UBAC2: variants seen among roughly 807,000 people sequenced by gnomAD.
The protein encoded by UBAC2 is ubiquitin-associated domain-containing protein 2.
In UBAC2, 26 loss-of-function variants were observed where a neutral mutation model predicts 44.0. The observed-to-expected ratio is 0.59, with a 90% CI of 0.43 to 0.82. The LOEUF is 0.82. Ranked by LOEUF, UBAC2 falls within the 40% of genes least tolerant of loss-of-function variation. The pLI, the probability that UBAC2 is intolerant of heterozygous loss-of-function variation, is 0.00. For synonymous variants in UBAC2, 155 were observed against 154.3 expected, an observed-to-expected ratio of 1.00 and a Z score of -0.04; for missense variants, 329 against 419.4, an observed-to-expected ratio of 0.78 and a Z score of 1.88.
At chr13:99,337,157 A>C (rs1457295918) in intron 6 of UBAC2, among the ~76,000 whole-genome samples, 2 of 152,194 alleles carry the variant, frequency 1.3e-5, no homozygotes, top group Admixed American at 1.3e-4. Context: ...AATATTCCGC[A>C]TGAATTTGAG....
Position 99,295,835 on chromosome 13 carries a change from C to T in UBAC2, c.390-18262C>T. ...GTAAAACACTAGCGCAGTTATCCTA[C>T]ACAAGGCATCTCCGATTCTCCAGTC... On this transcript the variant is annotated intron_variant, in intron 4 of 8. Coordinates refer to ENST00000403766, the MANE Select transcript of UBAC2 (RefSeq NM_001144072.2). This position sits in a 1 kb window ranked among gnomAD's most constrained non-coding sequence, Gnocchi z 4.1. The T allele has an allele frequency of 6.2e-7, 1 of 1,606,550 alleles. No individual in the cohort carries two copies. Among genetic ancestry groups the T allele is most frequent in the Non-Finnish European group, 8.5e-7 (1 of 1,175,112 alleles).
chr13:99,277,506 C>T (rs1029650782), intron 4 of UBAC2, among the ~76,000 whole-genome samples: 1 of 152,052 alleles, frequency 6.6e-6, no homozygotes, highest in African/African-American at 2.4e-5. Context: ...GCCTGGGCAA[C>T]AAGAGGGAAA....
At chr13:99,228,768 A>G (rs1427579285) in intron 1 of UBAC2, among the ~76,000 whole-genome samples, 3 of 152,126 alleles carry the variant, frequency 2.0e-5, no homozygotes, top group Non-Finnish European at 4.4e-5. Context: ...GCAATGAGGA[A>G]CTCGGTTAGA....
At chr13:99,224,773 A>G (rs944180509) in intron 1 of UBAC2, among the ~76,000 whole-genome samples, 1 of 152,196 alleles carries the variant, frequency 6.6e-6, no homozygotes, top group Non-Finnish European at 1.5e-5. Flanking sequence ...TTATAGTCAC[A>G]TTTTCTCTAA....
chr13:99,335,792 A>G (rs2044780299), intron 6 of UBAC2, among the ~76,000 whole-genome samples: 1 of 152,154 alleles, frequency 6.6e-6, no homozygotes, highest in Admixed American at 6.5e-5. Context: ...TCAAAGCTCT[A>G]CTTGGTGTTG....
chr13:99,314,725 C>T (rs1594118364), intron 5 of UBAC2: 1 of 152,754 alleles, frequency 6.5e-6, no homozygotes, highest in East Asian at 1.9e-4. Context: ...GGTAGCGTCA[C>T]CATTTGCTAA....
chr13:99,296,291 T>C (rs936510417), intron 4 of UBAC2: 10 of 610,870 alleles, frequency 1.6e-5, no homozygotes, highest in Non-Finnish European at 2.3e-5. Flanking sequence ...ATCTAAGTTT[T>C]AAAATTTCAT....
At chr13:99,311,541 G>T (rs1236408003) in intron 4 of UBAC2, among the ~76,000 whole-genome samples, 3 of 152,158 alleles carry the variant, frequency 2.0e-5, no homozygotes, top group Admixed American at 6.5e-5. Context: ...CAGTTCTTCT[G>T]TGTAGTATTT....
intron 7 of UBAC2, among the ~76,000 whole-genome samples, chr13:99,349,588 C>T (rs1302292348): frequency 1.3e-5 from 2 of 152,156 alleles, no homozygotes; most frequent in African/African-American, 2.4e-5. Flanking sequence ...AAGCAAGTCA[C>T]GTAATCACAG....
intron 4 of UBAC2, among the ~76,000 whole-genome samples, chr13:99,262,143 C>G (rs1180704532): frequency 1.3e-5 from 2 of 152,206 alleles, no homozygotes; most frequent in East Asian, 1.9e-4. Context: ...CCTTGGTGAT[C>G]AGGTTTACTG....
In UBAC2 at chr13:99,295,538, A is replaced by T. The variant is rs774469999; in HGVS notation, c.390-18559A>T. The stretch of plus-strand genomic sequence containing the variant: ...GATTATAAGTGGAAGTACATATCCT[A>T]TGAAACATGCCCCAAGCAGAATCCA... On this transcript the variant is annotated intron_variant, in intron 4 of 8. Coordinates refer to ENST00000403766, the MANE Select transcript of UBAC2 (RefSeq NM_001144072.2). The surrounding 1 kb of genome is among the most constrained non-coding windows in gnomAD (Gnocchi z 4.1). 1.2e-6 allele frequency: 2 copies of T among 1,614,026 alleles called. No homozygotes were observed. The highest frequency in any genetic ancestry group is 2.2e-5 in the South Asian group (2 of 91,078).
intron 6 of UBAC2, among the ~76,000 whole-genome samples, 185 bp from the exon 7 acceptor site, chr13:99,340,135 A>G (rs758637803): frequency 6.6e-6 from 1 of 152,204 alleles, no homozygotes; most frequent in Non-Finnish European, 1.5e-5. Context: ...ACTAAGTTCA[A>G]TTTTGTGTTG....
intron 8 of UBAC2, among the ~76,000 whole-genome samples, chr13:99,371,703 A>G (rs545639549): frequency 6.6e-6 from 1 of 152,216 alleles, no homozygotes; most frequent in Non-Finnish European, 1.5e-5. Context: ...TTAATGCATT[A>G]AGAAACTTAG....
chr13:99,256,648 A>G (rs963781271), intron 4 of UBAC2: 2 of 151,936 alleles, frequency 1.3e-5, no homozygotes, highest in Admixed American at 6.6e-5. Flanking sequence ...AGACAAGTAG[A>G]TATTAATAAG....
chr13:99,325,663 C>T (rs1289366324), intron 6 of UBAC2, among the ~76,000 whole-genome samples: 1 of 152,130 alleles, frequency 6.6e-6, no homozygotes, highest in Non-Finnish European at 1.5e-5. Flanking sequence ...TTAACTGAAA[C>T]TTTATGCCTG....
chr13:99,369,404 A>G (rs1269063938), intron 8 of UBAC2, among the ~76,000 whole-genome samples: 1 of 152,208 alleles, frequency 6.6e-6, no homozygotes, highest in Non-Finnish European at 1.5e-5. Context: ...GATGCTGGGC[A>G]GCGACTGTGA....
At chr13:99,322,330 C>G (rs2044579187) in intron 6 of UBAC2, among the ~76,000 whole-genome samples, 1 of 152,158 alleles carries the variant, frequency 6.6e-6, no homozygotes, top group Admixed American at 6.5e-5. Flanking sequence ...TTTGAGCCAT[C>G]TACATCTCAG....
chr13:99,207,164 G>A (rs1212516297), intron 1 of UBAC2, among the ~76,000 whole-genome samples: 1 of 152,198 alleles, frequency 6.6e-6, no homozygotes, highest in Non-Finnish European at 1.5e-5. Context: ...CTGCTGCTGC[G>A]TTGACCTGGG....
At chr13:99,335,874 A>G (rs991831150) in intron 6 of UBAC2, among the ~76,000 whole-genome samples, 1 of 151,848 alleles carries the variant, frequency 6.6e-6, no homozygotes, top group African/African-American at 2.4e-5. Flanking sequence ...AGTTCCCTCC[A>G]TCCTTACCAA....
Sources: gnomAD v4.1 joint callset for allele counts (sites outside exome capture counted in the v4.1 genomes callset) on GRCh38, gnomAD v4.1.1 for gene constraint, Gnocchi (gnomAD v3.1) non-coding constraint, MANE v1.5 for transcripts, NCBI Gene and HGNC (gene_info 2026-07-23, HGNC 2026-07-21) for gene names.